The following KCNQ5 variants were observed in gnomAD, a reference collection of about 807,000 sequenced individuals.
KCNQ5 encodes potassium voltage-gated channel subfamily KQT member 5.
In KCNQ5, 30 loss-of-function variants were observed where a neutral mutation model predicts 98.2. The ratio of observed to expected loss-of-function variants is 0.31; its 90% CI spans 0.23 to 0.41. The LOEUF (loss-of-function observed/expected upper bound fraction) is 0.41, where lower values mean the gene tolerates loss of function less well. Among genes scored for constraint, KCNQ5 ranks in the 10% least tolerant of loss-of-function variants. The pLI, the probability that KCNQ5 is intolerant of heterozygous loss-of-function variation, is 1.00. For synonymous variants in KCNQ5, 458 were observed against 449.4 expected (o/e 1.02, Z -0.24); for missense variants, 835 against 1,182.5 (o/e 0.71, Z 4.31).
chr6:72,651,868 T>A (rs73533664), intron 1 of KCNQ5, among the ~76,000 whole-genome samples: 1,682 of 152,120 alleles, frequency 0.011, 29 homozygotes, highest in African/African-American at 0.039. Flanking sequence ...AAAGAAAAAT[T>A]TCCCATTAAA....
intron 1 of KCNQ5, among the ~76,000 whole-genome samples, chr6:72,646,953 A>G (rs570651307): frequency 8.5e-5 from 13 of 152,350 alleles, no homozygotes; most frequent in Non-Finnish European, 1.6e-4. Flanking sequence ...AGGCAGAGCC[A>G]TATGCAAAAC....
chr6:72,938,377 G>T lies in KCNQ5; in HGVS notation c.399-65531G>T, dbSNP rs9446792. Among the ~76,000 whole-genome samples the T allele has an allele frequency of 2.0e-5, 3 of 151,888 alleles. No homozygotes were observed. In the East Asian group the frequency reaches 5.8e-4, roughly 29 times the overall value. The stretch of plus-strand genomic sequence containing the variant: ...ATGTACTAATATCATAAAATTGTAC[G>T]TTTATTTATTTATTTTTCTTGAGAT... On this transcript the variant is annotated intron_variant, in intron 1 of 13. Coordinates refer to ENST00000370398, the MANE Select transcript of KCNQ5 (RefSeq NM_019842.4).
intron 1 of KCNQ5, among the ~76,000 whole-genome samples, chr6:72,790,492 C>G (rs1182182205): frequency 6.6e-6 from 1 of 152,078 alleles, no homozygotes; most frequent in Non-Finnish European, 1.5e-5. Flanking sequence ...GGATAGTTAC[C>G]AGAGGCTGGA....
At chr6:72,685,012 G>A (rs573130583) in intron 1 of KCNQ5, among the ~76,000 whole-genome samples, 1 of 152,090 alleles carries the variant, frequency 6.6e-6, no homozygotes, top group African/African-American at 2.4e-5. Context: ...TTGTTTGTTT[G>A]TACTTCAGGC....
intron 11 of KCNQ5, 77 bp downstream of exon 11, chr6:73,169,931 T>C: frequency 4.2e-6 from 4 of 942,398 alleles, no homozygotes; most frequent in Non-Finnish European, 6.9e-6. Flanking sequence ...TAAGTTCTTT[T>C]TCTGCAGGTA....
chr6:72,759,550 G>C (rs1479755110), intron 1 of KCNQ5, among the ~76,000 whole-genome samples: 1 of 152,074 alleles, frequency 6.6e-6, no homozygotes, highest in Admixed American at 6.6e-5. Context: ...GGTTTTGCCT[G>C]TATGTAAATG....
intron 1 of KCNQ5, among the ~76,000 whole-genome samples, chr6:72,627,025 A>T (rs1031304066): frequency 1.3e-5 from 2 of 152,130 alleles, no homozygotes; most frequent in Non-Finnish European, 2.9e-5. Context: ...GGGCTTTTTG[A>T]GTCATTCAGG....
chr6:73,135,373 T>C (rs1776420429), intron 10 of KCNQ5: 1 of 150,254 alleles, frequency 6.7e-6, no homozygotes, highest in Admixed American at 6.6e-5. Flanking sequence ...CAGGTAAAGC[T>C]CTTGTAATAA....
At chr6:72,918,745 C>T (rs1271744315) in intron 1 of KCNQ5, among the ~76,000 whole-genome samples, 1 of 152,084 alleles carries the variant, frequency 6.6e-6, no homozygotes, top group Non-Finnish European at 1.5e-5. Context: ...GTCCTATCTA[C>T]TAATTGGGGG....
At chr6:73,003,753 T>G (rs1478107439) in intron 1 of KCNQ5, among the ~76,000 whole-genome samples, 155 bp from the exon 2 acceptor site, 1 of 152,188 alleles carries the variant, frequency 6.6e-6, no homozygotes, top group Non-Finnish European at 1.5e-5. Context: ...CACATTGTAT[T>G]TTAATATCCA....
intron 1 of KCNQ5, among the ~76,000 whole-genome samples, chr6:72,754,631 A>G (rs1291442958): frequency 2.6e-5 from 4 of 152,094 alleles, no homozygotes; most frequent in African/African-American, 9.7e-5. Flanking sequence ...ATCAGGCCCC[A>G]ATGTTGATAG....
At chr6:72,656,403 T>C (rs989997715) in intron 1 of KCNQ5, among the ~76,000 whole-genome samples, 3 of 152,154 alleles carry the variant, frequency 2.0e-5, no homozygotes, top group Non-Finnish European at 4.4e-5. Context: ...TCAGGAGCAA[T>C]TGGTATATTT....
intron 1 of KCNQ5, among the ~76,000 whole-genome samples, chr6:72,766,660 G>C (rs1221143876): frequency 6.6e-6 from 1 of 151,866 alleles, no homozygotes; most frequent in Non-Finnish European, 1.5e-5. Flanking sequence ...TGAGAGTAAA[G>C]AGCCAAGAAA....
At chr6:73,083,664 C>T (rs1034150106) in intron 5 of KCNQ5, among the ~76,000 whole-genome samples, 8 of 152,166 alleles carry the variant, frequency 5.3e-5, no homozygotes, top group Non-Finnish European at 1.2e-4. Flanking sequence ...TTGTGATTAT[C>T]TGCATTAGTC....
At chr6:72,690,630 G>A (rs1212242131) in intron 1 of KCNQ5, among the ~76,000 whole-genome samples, 6 of 151,762 alleles carry the variant, frequency 4.0e-5, no homozygotes, top group Admixed American at 3.9e-4. Flanking sequence ...CAACATAAAG[G>A]CTGCTGCTGC....
chr6:73,158,775 A>G (rs1009998859), intron 10 of KCNQ5, among the ~76,000 whole-genome samples: 1 of 152,156 alleles, frequency 6.6e-6, no homozygotes, highest in South Asian at 2.1e-4. Flanking sequence ...ACTATTGTAC[A>G]TAGTTATAAT....
intron 5 of KCNQ5, among the ~76,000 whole-genome samples, chr6:73,083,205 CTTT>C (rs1328478202): frequency 6.6e-6 from 1 of 152,114 alleles, no homozygotes; most frequent in East Asian, 1.9e-4. Flanking sequence ...ATTCCTAAAC[CTTT>C]TTATGTCAGT....
At chr6:72,986,697 A>C (rs948172182) in intron 1 of KCNQ5, 1 of 1,181,462 alleles carries the variant, frequency 8.5e-7, no homozygotes, top group Non-Finnish European at 1.2e-6. Context: ...TGTGGGGAGA[A>C]GAAAAAGAAG....
At chr6:73,067,318 C>T (rs1312298441) in intron 3 of KCNQ5, among the ~76,000 whole-genome samples, 2 of 152,058 alleles carry the variant, frequency 1.3e-5, no homozygotes. Flanking sequence ...TTCTTAGTAT[C>T]AAATTACTAA....
Sources: allele counts gnomAD v4.1 joint callset (sites outside exome capture counted in the v4.1 genomes callset), GRCh38; gene constraint gnomAD v4.1.1; transcripts MANE v1.5; gene names NCBI Gene and HGNC (gene_info 2026-07-23, HGNC 2026-07-21).